Variants in PPP2R5C observed in about 807,000 individuals in gnomAD.
PPP2R5C encodes protein phosphatase 2 regulatory subunit B'gamma.
A neutral mutation model predicts 68.9 loss-of-function variants in PPP2R5C; 7 were observed. The observed-to-expected ratio is 0.10, with a 90% CI of 0.06 to 0.19. The LOEUF (loss-of-function observed/expected upper bound fraction) is 0.19, where lower values mean the gene tolerates loss of function less well. Among genes scored for constraint, PPP2R5C ranks in the 10% least tolerant of loss-of-function variants. The pLI is 1.00. For synonymous variants in PPP2R5C, 210 were observed against 222.2 expected (o/e 0.95, Z 0.49); for missense variants, 348 against 641.3 (o/e 0.54, Z 4.94).
intron 2 of PPP2R5C, among the ~76,000 whole-genome samples, chr14:101,867,593 T>C (rs541231778): frequency 6.6e-6 from 1 of 151,880 alleles, no homozygotes; most frequent in South Asian, 2.1e-4. Context: ...GCCTGACCAG[T>C]ATGGTGTAAC....
At chr14:101,772,755 C>G (rs999986884) in intron 2 of PPP2R5C, among the ~76,000 whole-genome samples, 1 of 152,130 alleles carries the variant, frequency 6.6e-6, no homozygotes, top group Non-Finnish European at 1.5e-5. Flanking sequence ...AAGATTGCGC[C>G]ACTGCACTCC....
chr14:101,823,369 C>A (rs2040200322), intron 1 of PPP2R5C, among the ~76,000 whole-genome samples: 1 of 152,132 alleles, frequency 6.6e-6, no homozygotes, highest in Non-Finnish European at 1.5e-5. Flanking sequence ...TCCGGTATTC[C>A]AAGCATTACC....
At chr14:101,870,689 C>T (rs995676167) in intron 2 of PPP2R5C, among the ~76,000 whole-genome samples, 1 of 152,218 alleles carries the variant, frequency 6.6e-6, no homozygotes. Flanking sequence ...AAAATATTCT[C>T]CAGGGGTTTA....
intron 1 of PPP2R5C, chr14:101,824,229 A>G (rs181488903): frequency 6.8e-4 from 789 of 1,154,430 alleles, no homozygotes; most frequent in Non-Finnish European, 8.1e-4. Flanking sequence ...GATTTAGTAC[A>G]AAATTAGATA....
chr14:101,859,012 TCTC>T (rs2042600394), intron 2 of PPP2R5C, among the ~76,000 whole-genome samples: 1 of 152,190 alleles, frequency 6.6e-6, no homozygotes, highest in Non-Finnish European at 1.5e-5. Context: ...CTAACTTGAT[TCTC>T]CTCCTGCTGT....
At chr14:101,768,917 C>T (rs1332998251) in intron 2 of PPP2R5C, among the ~76,000 whole-genome samples, 11 of 151,934 alleles carry the variant, frequency 7.2e-5, no homozygotes, top group African/African-American at 4.8e-5. Flanking sequence ...CTCCGCCTCC[C>T]GGATTCACAC....
intron 1 of PPP2R5C, chr14:101,820,399 G>T (rs1163250620): frequency 1.3e-5 from 2 of 152,220 alleles, no homozygotes; most frequent in African/African-American, 4.8e-5. Context: ...ATGCAGCAGT[G>T]TGTTCTCAGT....
At chr14:101,819,068 G>C (rs1403414325) in intron 1 of PPP2R5C, 1 of 1,550,910 alleles carries the variant, frequency 6.4e-7, no homozygotes, top group Middle Eastern at 1.7e-4. Context: ...CTTATTTTTG[G>C]TGGGCTTCAA....
intron 1 of PPP2R5C, chr14:101,824,339 C>G (rs540493525): frequency 2.5e-6 from 1 of 403,606 alleles, no homozygotes; most frequent in African/African-American, 2.1e-5. Flanking sequence ...AGACATTTGT[C>G]TACGGGGAAA....
intron 1 of PPP2R5C, among the ~76,000 whole-genome samples, 160 bp downstream of exon 1, chr14:101,762,080 T>G (rs1333765049): frequency 4.6e-5 from 7 of 151,044 alleles, no homozygotes; most frequent in African/African-American, 1.7e-4. Flanking sequence ...ATCCCCGGGC[T>G]TCTCTCGGCC....
chr14:101,820,060 A>T (rs2039958991), intron 1 of PPP2R5C: 1 of 152,238 alleles, frequency 6.6e-6, no homozygotes, highest in Non-Finnish European at 1.5e-5. Context: ...TTTTCCAGGA[A>T]CTTTAAATTA....
chr14:101,769,524 C>T (rs556269914), intron 2 of PPP2R5C, among the ~76,000 whole-genome samples: 1 of 152,222 alleles, frequency 6.6e-6, no homozygotes, highest in South Asian at 2.1e-4. Flanking sequence ...TATTAAGAGG[C>T]TTATTTATCA....
upstream of PPP2R5C, among the ~76,000 whole-genome samples, chr14:101,809,305 T>C (rs1265158309): frequency 2.0e-5 from 3 of 151,924 alleles, no homozygotes; most frequent in Non-Finnish European, 4.4e-5. Flanking sequence ...GGATCATAAG[T>C]TAATAACTCA....
Position 101,906,308 on chromosome 14 carries a change from T to A in PPP2R5C, c.1024-94T>A. 7 of 1,318,170 alleles carry A rather than the reference T, an allele frequency of 5.3e-6. No individual in the cohort carries two copies. The South Asian group carries it at 1.1e-4, about 21-fold the overall frequency. The allele number at this position is 1,318,170 out of a possible 1,614,324, so 81.7% of individuals were successfully genotyped here. On this transcript the variant is annotated intron_variant, in intron 9 of 13. Coordinates refer to ENST00000334743, the Ensembl canonical transcript of PPP2R5C. The surrounding 1 kb of genome is among the most constrained non-coding windows in gnomAD (Gnocchi z 4.0). The stretch of plus-strand genomic sequence containing the variant: ...ATAATCATAATTTTCTGGTCCAAGG[T>A]AGTTCATTACCCGACTCACAGGTTT...
rs542501655 is a variant in PPP2R5C, at chr14:101,796,255, C to T, written c.259+10072C>T. Among the ~76,000 whole-genome samples, 29 of 152,284 alleles carry T rather than the reference C, an allele frequency of 1.9e-4. No individual in the cohort carries two copies. In the South Asian group the frequency reaches 5.4e-3, roughly 28 times the overall value. Reference sequence around the variant, plus strand: ...TGAAGAATAATAAAAATGGACTGTGCGGAAGTTATCGGAGTGCCTGCTGCT... The same window carrying T: ...TGAAGAATAATAAAAATGGACTGTGTGGAAGTTATCGGAGTGCCTGCTGCT... On this transcript the variant is annotated intron_variant, in intron 3 of 14. Coordinates refer to the PPP2R5C transcript ENST00000328724.
chr14:101,785,858 A>G lies in PPP2R5C; in HGVS notation c.94-160A>G, dbSNP rs553337157. ...AGTCTAATATTGCTGAAGGTGGGAC[A>G]TAAGCCCCATACTCCAGCCACTCTA... On this transcript the variant is annotated intron_variant, in intron 2 of 14. Transcript: ENST00000328724. Among the ~76,000 whole-genome samples the G allele has an allele frequency of 6.6e-5, 10 of 152,388 alleles. No individual in the cohort carries two copies. The East Asian group carries it at 1.9e-3, about 29-fold the overall frequency.
At chr14:101,873,787 G>A (rs372701694) in intron 2 of PPP2R5C, among the ~76,000 whole-genome samples, 4 of 152,162 alleles carry the variant, frequency 2.6e-5, no homozygotes, top group African/African-American at 4.8e-5. Flanking sequence ...GGTCCCACCT[G>A]GGTTCTTTCT....
At chr14:101,823,747 GT>G (rs2040228889) in intron 1 of PPP2R5C, 2 of 1,078,056 alleles carry the variant, frequency 1.9e-6, no homozygotes, top group African/African-American at 3.3e-5. Flanking sequence ...CTGACTCACG[GT>G]TCTGGGCTCA....
In PPP2R5C at chr14:101,916,772, G is replaced by T. The variant is rs1160808777; in HGVS notation, c.1327-1059G>T. Among the ~76,000 whole-genome samples, 2 of 152,090 alleles carry T rather than the reference G, an allele frequency of 1.3e-5. No homozygotes were observed. Among genetic ancestry groups the T allele is most frequent in the Non-Finnish European group, 2.9e-5 (2 of 67,996 alleles). ...GCAGGAGGGCGCTGCTGTGACAGGA[G>T]CTCAGCCTGAAAGAGGCCGAAGCTG... On this transcript the variant is annotated intron_variant, in intron 12 of 13. Coordinates refer to ENST00000334743, the Ensembl canonical transcript of PPP2R5C. The surrounding 1 kb of genome is among the most constrained non-coding windows in gnomAD (Gnocchi z 5.5).
Sources: gnomAD v4.1 joint callset for allele counts (sites outside exome capture counted in the v4.1 genomes callset) on GRCh38, gnomAD v4.1.1 for gene constraint, Gnocchi (gnomAD v3.1) non-coding constraint, MANE v1.5 for transcripts, NCBI Gene and HGNC (gene_info 2026-07-23, HGNC 2026-07-21) for gene names.